The following FAM78A variants were observed in gnomAD, a reference collection of about 807,000 sequenced individuals.
FAM78A encodes protein FAM78A.
Under a neutral mutation model 22.6 loss-of-function variants are expected in FAM78A, and 12 were observed. The observed-to-expected ratio is 0.53, with a 90% CI of 0.34 to 0.86. The LOEUF is 0.86. Ranked by LOEUF, FAM78A falls within the 40% of genes least tolerant of loss-of-function variation. FAM78A has a pLI of 0.02. For synonymous variants in FAM78A, 151 were observed against 155.8 expected (o/e 0.97, Z 0.23); for missense variants, 322 against 396.1 (o/e 0.81, Z 1.59).
At chr9:131,270,583 C>T (rs1040391542) in intron 1 of FAM78A, 1 of 710,118 alleles carries the variant, frequency 1.4e-6, no homozygotes, top group African/African-American at 1.8e-5. Flanking sequence ...TCCTCCCACC[C>T]CAAAGCCTTG....
At chr9:131,263,005 C>T (rs1042911096) in intron 1 of FAM78A, among the ~76,000 whole-genome samples, 5 of 152,026 alleles carry the variant, frequency 3.3e-5, no homozygotes, top group Non-Finnish European at 7.4e-5. Context: ...TTTGTTAGGC[C>T]GAGGCAGGTG....
At chr9:131,276,810 A>G (rs940052165), upstream of FAM78A, among the ~76,000 whole-genome samples, 2 of 149,652 alleles carry the variant, frequency 1.3e-5, no homozygotes, top group African/African-American at 4.9e-5. This position sits in a 1 kb window ranked among gnomAD's most constrained non-coding sequence, Gnocchi z 4.3. Context: ...GTCGGCGCCC[A>G]CTCGCGGGCG....
Position 131,261,369 on chromosome 9 carries a change from A to T in FAM78A, c.324-19T>A. 6.4e-7 allele frequency: 1 copy of T among 1,552,066 alleles called. No individual in the cohort carries two copies. The highest frequency in any genetic ancestry group is 8.6e-7 in the Non-Finnish European group (1 of 1,157,464). On this transcript the variant is annotated intron_variant, in intron 1 of 1. Transcript: ENST00000372271. The surrounding 1 kb of genome is among the most constrained non-coding windows in gnomAD (Gnocchi z 7.1). ...GCTGGACCTGAGGACAAGGAAGGCC[A>T]GTTCACTCACTCGGTCACTCAAGGA...
At chr9:131,269,818 A>AT (rs1471897253) in intron 1 of FAM78A, among the ~76,000 whole-genome samples, 1 of 152,044 alleles carries the variant, frequency 6.6e-6, no homozygotes, top group Non-Finnish European at 1.5e-5. Flanking sequence ...TCGCGTGATC[A>AT]TTAACTCACT....
rs892647061 is a variant in FAM78A at position 131,261,260 on chromosome 9, G to A, written c.414C>T (p.Thr138=). 8.1e-6 allele frequency: 13 copies of A among 1,611,316 alleles called. No homozygotes were observed. The highest frequency in any genetic ancestry group is 8.5e-7 in the Non-Finnish European group (1 of 1,179,730). The change falls in exon 2 of 2, where the codon ACC becomes ACT. Residue 138 remains threonine (T), a synonymous_variant. Coordinates refer to ENST00000372271, the MANE Select transcript of FAM78A (RefSeq NM_033387.4). This position sits in a 1 kb window ranked among gnomAD's most constrained non-coding sequence, Gnocchi z 7.1. ...DGVNYPWYGN[T]TETCTIVGPT... is the part of the protein sequence containing the mutation. ...GGCCCACGATGGTGCAGGTCTCTGT[G>A]GTGTTGCCGTACCAGGGGTAGTTCA...
chr9:131,277,860 C>T (rs1010198191), upstream of FAM78A, among the ~76,000 whole-genome samples: 21 of 151,340 alleles, frequency 1.4e-4, no homozygotes, highest in African/African-American at 5.1e-4. This position sits in a 1 kb window ranked among gnomAD's most constrained non-coding sequence, Gnocchi z 8.4. Flanking sequence ...TGCCGCCTGG[C>T]GCGCCCCGCG....
At position 131,275,796 on chromosome 9, in the gene FAM78A, C is replaced by A; in HGVS notation, c.323+61G>T. 2.0e-6 allele frequency: 3 copies of A among 1,505,436 alleles called. No homozygotes were observed. Among genetic ancestry groups the A allele is most frequent in the East Asian group, 2.3e-5 (1 of 43,718 alleles). 93.3% of individuals were successfully genotyped at this position (1,505,436 alleles called of 1,614,324 possible). On this transcript the variant is annotated intron_variant, in intron 1 of 1. Coordinates refer to ENST00000372271, the MANE Select transcript of FAM78A (RefSeq NM_033387.4). This position sits in a 1 kb window ranked among gnomAD's most constrained non-coding sequence, Gnocchi z 4.6. ...CCTTCCCCCTATCCGCGGCCCCCCA[C>A]CAGGCCTCCAAGCTCGGCCATCCCT...
At position 131,275,860 on chromosome 9, in the gene FAM78A, C is replaced by T; in HGVS notation, c.320G>A (p.Gly107Asp). ...GCTGGCTCTCGGCCGTACTCACATG[C>T]CCTGCTCGCCGTACTGGTTGTAGAA... is the stretch of plus-strand genomic sequence containing the variant. ...MEFYNQYGEQ[G>D]MSSWELPDLQ... Residue 107 changes from glycine to aspartate, a missense_variant, in exon 1 of 2, where the codon GGC becomes GAC. By Grantham distance (94) the Gly-to-Asp change is moderately conservative. Coordinates refer to ENST00000372271, the MANE Select transcript of FAM78A (RefSeq NM_033387.4). The surrounding 1 kb of genome is among the most constrained non-coding windows in gnomAD (Gnocchi z 4.6). 8 of 1,585,190 alleles carry T rather than the reference C, an allele frequency of 5.0e-6. No individual in the cohort carries two copies. The highest frequency in any genetic ancestry group is 6.9e-6 in the Non-Finnish European group (8 of 1,163,638).
upstream of FAM78A, among the ~76,000 whole-genome samples, chr9:131,277,696 CG>C (rs1035997895): frequency 2.6e-5 from 4 of 151,418 alleles, no homozygotes; most frequent in Non-Finnish European, 5.9e-5. The surrounding 1 kb of genome is among the most constrained non-coding windows in gnomAD (Gnocchi z 8.4). Context: ...TGGGCGCCCC[CG>C]GCCCCCACCC....
chr9:131,270,493 G>A (rs1835404244), intron 1 of FAM78A: 1 of 716,196 alleles, frequency 1.4e-6, no homozygotes, highest in African/African-American at 1.7e-5. Context: ...GTGCTTGGAA[G>A]GTGGATGAGG....
Position 131,261,495 on chromosome 9 carries a change from G to A in FAM78A, c.324-145C>T, listed in dbSNP as rs1835269388. The A allele has an allele frequency of 2.9e-6, 2 of 681,512 alleles. No homozygotes were observed. The highest frequency in any genetic ancestry group is 4.8e-6 in the Non-Finnish European group (2 of 417,464). The allele number at this position is 681,512 out of a possible 1,614,324, so 42.2% of individuals were successfully genotyped here. On this transcript the variant is annotated intron_variant, in intron 1 of 1. Transcript: ENST00000372271. The surrounding 1 kb of genome is among the most constrained non-coding windows in gnomAD (Gnocchi z 7.1). ...GGTCCCCTTTGACGTTCTGGGGGCAGGGGGTCAGACAGTAGCTCGGAGTCA... is the reference window on the plus strand; with the variant it reads ...GGTCCCCTTTGACGTTCTGGGGGCAAGGGGTCAGACAGTAGCTCGGAGTCA...
Position 131,270,065 on chromosome 9 carries a change from G to A in FAM78A, c.323+5792C>T, listed in dbSNP as rs367897418. Among the ~76,000 whole-genome samples, 38 of 148,222 alleles carry A rather than the reference G, an allele frequency of 2.6e-4. No individual in the cohort carries two copies. The East Asian group carries it at 7.3e-3, about 28-fold the overall frequency. On this transcript the variant is annotated intron_variant, in intron 1 of 1. Transcript: ENST00000372271. The stretch of plus-strand genomic sequence containing the variant: ...AAAAAAAAAAAAAAAAAAAAGCCAG[G>A]TGTGGTGGCAGGCACCTGTAATCCC...
chr9:131,268,042 ACT>A (rs2131176218), intron 1 of FAM78A, among the ~76,000 whole-genome samples: 1 of 110,914 alleles, frequency 9.0e-6, no homozygotes, highest in East Asian at 2.7e-4. Context: ...ACAGAGTGAG[ACT>A]CTGTCTCAAA....
Position 131,261,427 on chromosome 9 carries a change from C to T in FAM78A, c.324-77G>A. Reference sequence around the variant, plus strand: ...CTGTGTCCCCCTGGCAGGCCAGGGGCTGTCCTGGGCCCTGAGGATGGAACG... The same window carrying T: ...CTGTGTCCCCCTGGCAGGCCAGGGGTTGTCCTGGGCCCTGAGGATGGAACG... On this transcript the variant is annotated intron_variant, in intron 1 of 1. Transcript: ENST00000372271. This position sits in a 1 kb window ranked among gnomAD's most constrained non-coding sequence, Gnocchi z 7.1. 2.2e-6 allele frequency: 3 copies of T among 1,371,532 alleles called. No individual in the cohort carries two copies. The highest frequency in any genetic ancestry group is 2.9e-6 in the Non-Finnish European group (3 of 1,035,816). 85.0% of individuals were successfully genotyped at this position (1,371,532 alleles called of 1,614,324 possible). A position where few individuals can be genotyped will look rare whatever the true frequency, so the allele number is the denominator to read the frequency against.
At chr9:131,263,379 G>A (rs958096040) in intron 1 of FAM78A, 2 of 152,534 alleles carry the variant, frequency 1.3e-5, no homozygotes, top group African/African-American at 4.8e-5. Flanking sequence ...GGGCACGGTA[G>A]ATCACTTGAG....
rs951272122 is a variant in FAM78A, at chr9:131,275,591, G to T, written c.323+266C>A. Among the ~76,000 whole-genome samples the T allele has an allele frequency of 6.6e-6, 1 of 152,232 alleles. No homozygotes were observed. Among genetic ancestry groups the T allele is most frequent in the Non-Finnish European group, 1.5e-5 (1 of 68,036 alleles). On this transcript the variant is annotated intron_variant, in intron 1 of 1. Coordinates refer to ENST00000372271, the MANE Select transcript of FAM78A (RefSeq NM_033387.4). The surrounding 1 kb of genome is among the most constrained non-coding windows in gnomAD (Gnocchi z 4.6). ...GGAGTAATGTCTCTCTGCTTTCTCG[G>T]CATCTTGCAGGGAAGGACACAGGAA...
At chr9:131,269,477 G>A (rs1356760004) in intron 1 of FAM78A, among the ~76,000 whole-genome samples, 3 of 151,478 alleles carry the variant, frequency 2.0e-5, no homozygotes, top group Admixed American at 1.3e-4. Flanking sequence ...ACATCCTCAC[G>A]TGTGCATTTT....
intron 1 of FAM78A, among the ~76,000 whole-genome samples, chr9:131,273,801 C>T (rs1437639417): frequency 1.3e-5 from 2 of 152,328 alleles, no homozygotes; most frequent in East Asian, 3.9e-4. Flanking sequence ...GACTGCATGG[C>T]GAATTTGGTT....
intron 1 of FAM78A, among the ~76,000 whole-genome samples, chr9:131,268,566 G>A (rs986886904): frequency 4.6e-5 from 7 of 152,250 alleles, no homozygotes; most frequent in Non-Finnish European, 1.5e-5. Context: ...GATCTCACAA[G>A]GGGAGGAAAG....
Sources: gnomAD v4.1 joint callset for allele counts (sites outside exome capture counted in the v4.1 genomes callset) on GRCh38, gnomAD v4.1.1 for gene constraint, Gnocchi (gnomAD v3.1) non-coding constraint, MANE v1.5 for transcripts, NCBI Gene and HGNC (gene_info 2026-07-23, HGNC 2026-07-21) for gene names.